The following PCDHGA1 variants were observed in gnomAD, a reference collection of about 807,000 sequenced individuals.
PCDHGA1 encodes the protein protocadherin gamma subfamily A, 1, also known as protocadherin gamma-A1.
Under a neutral mutation model 58.0 loss-of-function variants are expected in PCDHGA1, and 32 were observed. The ratio of observed to expected loss-of-function variants is 0.55; its 90% CI spans 0.42 to 0.74. PCDHGA1 has a LOEUF of 0.74. Among genes scored for constraint, PCDHGA1 ranks in the 30% least tolerant of loss-of-function variants. The pLI is 0.00. For synonymous variants in PCDHGA1, 498 were observed against 501.1 expected, an observed-to-expected ratio of 0.99 and a Z score of 0.08; for missense variants, 1,205 against 1,182.3, an observed-to-expected ratio of 1.02 and a Z score of -0.28.
chr5:141,494,537 G>C (rs2099755111), intron 1 of PCDHGA1, among the ~76,000 whole-genome samples: 1 of 152,168 alleles, frequency 6.6e-6, no homozygotes, highest in Non-Finnish European at 1.5e-5. Flanking sequence ...TGGGGGCAGG[G>C]AGGAAGGGGC....
chr5:141,332,104 G>A lies in PCDHGA1; in HGVS notation c.1420G>A (p.Val474Met). 1 of 1,614,148 alleles carries A rather than the reference G, an allele frequency of 6.2e-7. No individual in the cohort carries two copies. The highest frequency in any genetic ancestry group is 1.7e-5 in the Admixed American group (1 of 60,016). ...CCCCAGAGGAGCCTCCATCTTCTCTGTGAGGGCCCACGACTTGGACAGCAA... is the reference window on the plus strand; with the variant it reads ...CCCCAGAGGAGCCTCCATCTTCTCTATGAGGGCCCACGACTTGGACAGCAA... Reference protein sequence around the residue: ...NNPRGASIFSVRAHDLDSNEN... With the variant: ...NNPRGASIFSMRAHDLDSNEN... The change falls in exon 1 of 4, where the codon GTG (valine) becomes ATG (methionine). Residue 474 changes from valine to methionine, a missense_variant. Physicochemically the swap from Val to Met is conservative, Grantham distance 21. Transcript: ENST00000517417. The surrounding 1 kb of genome is among the most constrained non-coding windows in gnomAD (Gnocchi z 4.6).
Position 141,486,639 on chromosome 5 carries a change from T to G in PCDHGA1, c.2422-8168T>G, listed in dbSNP as rs1250700423. ...GACCCAGACTCTGGCTTGAATGCGC[T>G]TATCTCCTACTCACTCCTGGAGCCC... On this transcript the variant is annotated intron_variant, in intron 1 of 3. Transcript: ENST00000517417. The surrounding 1 kb of genome is among the most constrained non-coding windows in gnomAD (Gnocchi z 5.0). The G allele has an allele frequency of 6.2e-7, 1 of 1,613,818 alleles. No individual in the cohort carries two copies. The highest frequency in any genetic ancestry group is 1.1e-5 in the South Asian group (1 of 91,084).
intron 1 of PCDHGA1, among the ~76,000 whole-genome samples, chr5:141,439,132 G>C (rs1180893484): frequency 6.6e-6 from 1 of 151,054 alleles, no homozygotes; most frequent in African/African-American, 2.4e-5. Context: ...GACAGAGGTT[G>C]CAGTGAGCTG....
Position 141,387,762 on chromosome 5 carries a change from G to T in PCDHGA1, c.2421+54657G>T, listed in dbSNP as rs545222926. The T allele has an allele frequency of 3.5e-6, 5 of 1,424,676 alleles. No homozygotes were observed. The East Asian group carries it at 9.9e-5, about 28-fold the overall frequency. The allele number at this position is 1,424,676 out of a possible 1,614,324, so 88.3% of individuals were successfully genotyped here. ...CACCGCTTCCTCCTCGGAAAAAGAA[G>T]AATTTTTTCTTGAACTGGAACTGCA... On this transcript the variant is annotated intron_variant, in intron 1 of 3. Transcript: ENST00000517417.
At chr5:141,347,913 C>T (rs1758037623) in intron 1 of PCDHGA1, among the ~76,000 whole-genome samples, 1 of 152,124 alleles carries the variant, frequency 6.6e-6, no homozygotes, top group Non-Finnish European at 1.5e-5. Context: ...GTGGAAAGCT[C>T]ACCTAGCTAA....
Position 141,477,966 on chromosome 5 carries a change from G to A in PCDHGA1, c.2422-16841G>A, listed in dbSNP as rs2099426792. 6.2e-7 allele frequency: 1 copy of A among 1,614,118 alleles called. No individual in the cohort carries two copies. The highest frequency in any genetic ancestry group is 8.5e-7 in the Non-Finnish European group (1 of 1,180,036). ...AGTCTCTTGGGATCCCCTAACCAGAGCCTTTTTGCCATAGGGCTGCACACT... is the reference window on the plus strand; with the variant it reads ...AGTCTCTTGGGATCCCCTAACCAGAACCTTTTTGCCATAGGGCTGCACACT... On this transcript the variant is annotated intron_variant, in intron 1 of 3. Transcript: ENST00000517417. This position sits in a 1 kb window ranked among gnomAD's most constrained non-coding sequence, Gnocchi z 4.9.
chr5:141,398,241 C>G, intron 1 of PCDHGA1: 1 of 1,474,150 alleles, frequency 6.8e-7, no homozygotes, highest in South Asian at 1.2e-5. Context: ...ACAGGATTCC[C>G]GAGGAAATGC....
intron 1 of PCDHGA1, chr5:141,423,505 C>G: frequency 6.2e-7 from 1 of 1,613,932 alleles, no homozygotes; most frequent in Non-Finnish European, 8.5e-7. Context: ...CGAGGTCTCT[C>G]TCATTGCGGA....
intron 1 of PCDHGA1, among the ~76,000 whole-genome samples, chr5:141,363,501 C>A (rs187528196): frequency 6.6e-6 from 1 of 152,306 alleles, no homozygotes; most frequent in East Asian, 1.9e-4. Flanking sequence ...AATAAAACCC[C>A]ATCCTCCACA....
chr5:141,476,137 G>A lies in PCDHGA1; in HGVS notation c.2422-18670G>A. The A allele has an allele frequency of 1.2e-6, 2 of 1,609,204 alleles. No homozygotes were observed. The highest frequency in any genetic ancestry group is 1.7e-6 in the Non-Finnish European group (2 of 1,178,592). On this transcript the variant is annotated intron_variant, in intron 1 of 3. Coordinates refer to ENST00000517417, the MANE Select transcript of PCDHGA1 (RefSeq NM_018912.3). The surrounding 1 kb of genome is among the most constrained non-coding windows in gnomAD (Gnocchi z 7.6). ...GTGAGATGGTCCCAGAGGCCTGGAGGAGCGGACTGGTAAGCACCGGGAGGG... is the reference window on the plus strand; with the variant it reads ...GTGAGATGGTCCCAGAGGCCTGGAGAAGCGGACTGGTAAGCACCGGGAGGG...
At chr5:141,445,207 AAAGT>A (rs1322618652) in intron 1 of PCDHGA1, among the ~76,000 whole-genome samples, 1 of 152,196 alleles carries the variant, frequency 6.6e-6, no homozygotes, top group Non-Finnish European at 1.5e-5. Flanking sequence ...ATGCTTTTGA[AAAGT>A]AAGAGGTGCA....
In PCDHGA1 at chr5:141,489,610, C is replaced by A; in HGVS notation, c.2422-5197C>A. 6.2e-7 allele frequency: 1 copy of A among 1,614,090 alleles called. No individual in the cohort carries two copies. Among genetic ancestry groups the A allele is most frequent in the Non-Finnish European group, 8.5e-7 (1 of 1,179,990 alleles). ...GCTAATCCGTGTAGAGGTAGAGATCCTGGATCTCAATGACAACTCTCCTAG... is the reference window on the plus strand; with the variant it reads ...GCTAATCCGTGTAGAGGTAGAGATCATGGATCTCAATGACAACTCTCCTAG... On this transcript the variant is annotated intron_variant, in intron 1 of 3. Transcript: ENST00000517417. The surrounding 1 kb of genome is among the most constrained non-coding windows in gnomAD (Gnocchi z 4.5).
At chr5:141,378,810 A>G (rs920121754) in intron 1 of PCDHGA1, 1 of 152,256 alleles carries the variant, frequency 6.6e-6, no homozygotes, top group Non-Finnish European at 1.5e-5. Context: ...TGCAAACAGA[A>G]TCATTGTTTC....
chr5:141,373,898 A>T (rs1039826496), intron 1 of PCDHGA1: 1 of 541,044 alleles, frequency 1.8e-6, no homozygotes, highest in Non-Finnish European at 3.1e-6. Context: ...CTCAAGTTAC[A>T]TCCTCCAACA....
chr5:141,485,525 C>A lies in PCDHGA1; in HGVS notation c.2422-9282C>A. On this transcript the variant is annotated intron_variant, in intron 1 of 3. Transcript: ENST00000517417. This position sits in a 1 kb window ranked among gnomAD's most constrained non-coding sequence, Gnocchi z 5.7. ...CACCGAAGGTCCTTTGGAAATGTAC[C>A]GAGCAGAGGTAGAGATCGTAGATGT... The A allele has an allele frequency of 5.6e-6, 9 of 1,614,122 alleles. No individual in the cohort carries two copies. Among genetic ancestry groups the A allele is most frequent in the Non-Finnish European group, 7.6e-6 (9 of 1,180,022 alleles).
At chr5:141,478,299 G>A (rs201916687) in intron 1 of PCDHGA1, 1 of 1,614,056 alleles carries the variant, frequency 6.2e-7, no homozygotes, top group Non-Finnish European at 8.5e-7. Flanking sequence ...GACCTATACC[G>A]AGCCCCGGTG....
chr5:141,420,415 T>A, intron 1 of PCDHGA1: 1 of 1,217,296 alleles, frequency 8.2e-7, no homozygotes, highest in Non-Finnish European at 1.1e-6. Context: ...TTATCATTAT[T>A]AAAACAAAAG....
At chr5:141,388,539 G>T (rs747974278) in intron 1 of PCDHGA1, 1 of 1,613,740 alleles carries the variant, frequency 6.2e-7, no homozygotes. Context: ...GGACTTTGGA[G>T]CTCCACCCCT....
intron 1 of PCDHGA1, chr5:141,361,373 A>T (rs768174278): frequency 1.1e-5 from 18 of 1,613,958 alleles, no homozygotes; most frequent in Non-Finnish European, 1.5e-5. Flanking sequence ...CTGGACCGGG[A>T]GGAGATCCCA....
Sources: allele counts gnomAD v4.1 joint callset (sites outside exome capture counted in the v4.1 genomes callset), GRCh38; gene constraint gnomAD v4.1.1; non-coding constraint Gnocchi (gnomAD v3.1); transcripts MANE v1.5; gene names NCBI Gene and HGNC (gene_info 2026-07-23, HGNC 2026-07-21).